Variants in SSBP3 observed in about 807,000 individuals in gnomAD.
The protein encoded by SSBP3 is single stranded DNA binding protein 3, also known as single-stranded DNA-binding protein 3.
A neutral mutation model predicts 69.6 loss-of-function variants in SSBP3; 5 were observed. The ratio of observed to expected loss-of-function variants is 0.07; its 90% CI spans 0.04 to 0.15. SSBP3 has a LOEUF of 0.15. SSBP3 is among the 10% of genes least tolerant of loss of function. SSBP3 has a pLI of 1.00. For synonymous variants in SSBP3, 196 were observed against 193.4 expected, an observed-to-expected ratio of 1.01 and a Z score of -0.11; for missense variants, 312 against 534.0, an observed-to-expected ratio of 0.58 and a Z score of 4.10.
chr1:54,265,990 C>T (rs888686041), intron 5 of SSBP3, among the ~76,000 whole-genome samples: 2 of 152,242 alleles, frequency 1.3e-5, no homozygotes, highest in Admixed American at 1.3e-4. Flanking sequence ...TCACTTGCCT[C>T]CTGGCGGAAC....
intron 14 of SSBP3, chr1:54,238,115 A>G: frequency 2.1e-6 from 1 of 470,426 alleles, no homozygotes; most frequent in Non-Finnish European, 4.4e-6. Context: ...CACACCAGTG[A>G]GGACCCTGGC....
chr1:54,250,299 G>A (rs931108255), intron 9 of SSBP3, among the ~76,000 whole-genome samples: 2 of 152,260 alleles, frequency 1.3e-5, no homozygotes, highest in Non-Finnish European at 2.9e-5. Flanking sequence ...AGAAGACAAG[G>A]ACCTCCCTAA....
At position 54,225,662 on chromosome 1, in the gene SSBP3, C is replaced by CA. The variant is rs1249116193; in HGVS notation, c.*1468dup. The CA allele has an allele frequency of 2.0e-5, 5 of 251,730 alleles. No individual in the cohort carries two copies. The East Asian group carries it at 2.9e-4, about 14-fold the overall frequency. 15.6% of individuals were successfully genotyped at this position (251,730 alleles called of 1,614,324 possible). ...TGGATCAGAAAGGGAGGGAGTAAAA[C>CA]AAAGACCAGCTACAGGGGAGGGAGG... On this transcript the variant is annotated 3_prime_UTR_variant, in exon 18 of 18. Transcript: ENST00000610401.
At chr1:54,273,385 T>C (rs1196300253) in intron 5 of SSBP3, among the ~76,000 whole-genome samples, 3 of 152,066 alleles carry the variant, frequency 2.0e-5, no homozygotes, top group Non-Finnish European at 4.4e-5. Context: ...TTTTCCTATT[T>C]AAGAGGGAGG....
At chr1:54,252,677 T>C (rs981343242) in intron 7 of SSBP3, among the ~76,000 whole-genome samples, 33 of 152,226 alleles carry the variant, frequency 2.2e-4, no homozygotes, top group Non-Finnish European at 1.5e-4. Flanking sequence ...GGTGAACACT[T>C]GCCCCACCCG....
chr1:54,405,864 G>GGGGGGGGGGGGGGCCCCCC, intron 1 of SSBP3, 89 bp downstream of exon 1: 1 of 138,886 alleles, frequency 7.2e-6, no homozygotes, highest in Non-Finnish European at 1.5e-5. Flanking sequence ...GCAGCCTCCG[G>GGGGGGGGGGGGGGCCCCCC]CCCCCGCCCG....
chr1:54,359,871 G>A (rs891931677), intron 4 of SSBP3, among the ~76,000 whole-genome samples: 4 of 151,880 alleles, frequency 2.6e-5, no homozygotes, highest in Non-Finnish European at 5.9e-5. Flanking sequence ...GGGGACCACC[G>A]TGACCAGTTA....
intron 4 of SSBP3, among the ~76,000 whole-genome samples, chr1:54,345,562 G>A (rs891522520): frequency 1.3e-5 from 2 of 152,102 alleles, no homozygotes; most frequent in Admixed American, 1.3e-4. Flanking sequence ...CATTTCAAAG[G>A]CCCTCTCTGA....
At chr1:54,309,885 C>A (rs1645968328) in intron 4 of SSBP3, among the ~76,000 whole-genome samples, 1 of 152,066 alleles carries the variant, frequency 6.6e-6, no homozygotes, top group Non-Finnish European at 1.5e-5. Flanking sequence ...TTGTCGTTTC[C>A]AAAACAGAAC....
intron 4 of SSBP3, among the ~76,000 whole-genome samples, chr1:54,355,902 C>T (rs1646855574): frequency 1.3e-5 from 2 of 152,198 alleles, no homozygotes; most frequent in Middle Eastern, 3.2e-3. Flanking sequence ...CCTCCGCCCA[C>T]CCTGCCTGGC....
intron 5 of SSBP3, among the ~76,000 whole-genome samples, chr1:54,274,759 C>T (rs898097722): frequency 4.6e-5 from 7 of 152,198 alleles, no homozygotes; most frequent in Admixed American, 1.3e-4. Context: ...TTCCTGGGAT[C>T]GCGTTGCTCC....
intron 14 of SSBP3, among the ~76,000 whole-genome samples, chr1:54,229,689 C>T (rs1046582443): frequency 3.9e-5 from 6 of 152,170 alleles, no homozygotes; most frequent in African/African-American, 9.7e-5. Flanking sequence ...TGGGGAGGGG[C>T]GGCTGAGCCC....
chr1:54,397,170 A>T (rs1297763179), intron 4 of SSBP3, among the ~76,000 whole-genome samples: 1 of 152,234 alleles, frequency 6.6e-6, no homozygotes. Flanking sequence ...CTCTGGGCAG[A>T]TAGCTAGCCT....
At chr1:54,396,378 A>G (rs531962905) in intron 4 of SSBP3, among the ~76,000 whole-genome samples, 108 of 152,212 alleles carry the variant, frequency 7.1e-4, no homozygotes, top group Non-Finnish European at 1.3e-3. Context: ...TAATTTTTCT[A>G]AATACTCTAA....
intron 4 of SSBP3, among the ~76,000 whole-genome samples, chr1:54,313,102 G>A: frequency 6.6e-6 from 1 of 151,028 alleles, no homozygotes; most frequent in East Asian, 2.0e-4. Context: ...GCTAGGGTTA[G>A]GGCGGTGGAG....
At chr1:54,297,333 T>C (rs1645720070) in intron 4 of SSBP3, among the ~76,000 whole-genome samples, 1 of 152,138 alleles carries the variant, frequency 6.6e-6, no homozygotes, top group East Asian at 1.9e-4. Flanking sequence ...GAAACAGACA[T>C]AAAAACTGTC....
chr1:54,358,503 C>G (rs1173235267), intron 4 of SSBP3, among the ~76,000 whole-genome samples: 1 of 152,220 alleles, frequency 6.6e-6, no homozygotes, highest in Non-Finnish European at 1.5e-5. Context: ...GACCATTTCT[C>G]CAGGGTTGCA....
At chr1:54,357,022 G>C (rs1646879702) in intron 4 of SSBP3, among the ~76,000 whole-genome samples, 1 of 149,646 alleles carries the variant, frequency 6.7e-6, no homozygotes, top group Non-Finnish European at 1.5e-5. Context: ...TGGGTGGAGG[G>C]AACAGGGCTC....
intron 4 of SSBP3, among the ~76,000 whole-genome samples, chr1:54,397,387 C>T (rs1648971546): frequency 6.6e-6 from 1 of 152,238 alleles, no homozygotes; most frequent in Admixed American, 6.5e-5. Context: ...TTCAAACCCA[C>T]CAAGGACGCT....
Sources: allele counts gnomAD v4.1 joint callset (sites outside exome capture counted in the v4.1 genomes callset), GRCh38; gene constraint gnomAD v4.1.1; transcripts MANE v1.5; gene names NCBI Gene and HGNC (gene_info 2026-07-23, HGNC 2026-07-21).